The following APLP2 variants were observed in gnomAD, a reference collection of about 807,000 sequenced individuals.
APLP2 encodes the protein CDEI box-binding protein.
Under a neutral mutation model 89.9 loss-of-function variants are expected in APLP2, and 53 were observed. The observed-to-expected ratio is 0.59, with a 90% confidence interval of 0.47 to 0.74. APLP2 has a LOEUF of 0.74. Among genes scored for constraint, APLP2 ranks in the 30% least tolerant of loss-of-function variants. The pLI, the probability that APLP2 is intolerant of heterozygous loss-of-function variation, is 0.00. For synonymous variants in APLP2, 372 were observed against 348.6 expected (o/e 1.07, Z -0.75); for missense variants, 973 against 975.9 (o/e 1.00, Z 0.04).
At chr11:130,114,206 C>T (rs1948922081) in intron 3 of APLP2, 2 of 152,076 alleles carry the variant, frequency 1.3e-5, no homozygotes, top group Non-Finnish European at 2.9e-5. Context: ...TGCATATTTC[C>T]TTGTCCTTTG....
chr11:130,132,529 T>C (rs76832057), intron 11 of APLP2, among the ~76,000 whole-genome samples: 6,509 of 152,168 alleles, frequency 0.043, 219 homozygotes, highest in Non-Finnish European at 0.062. Flanking sequence ...CGCCGTGTCA[T>C]TGGGGTGGAT....
chr11:130,094,488 C>T (rs763224157), intron 1 of APLP2, among the ~76,000 whole-genome samples: 2 of 152,100 alleles, frequency 1.3e-5, no homozygotes, highest in Non-Finnish European at 2.9e-5. Context: ...CGCACCTGGC[C>T]GGGATTTACT....
At position 130,123,910 on chromosome 11, in the gene APLP2, C is replaced by T; in HGVS notation, c.1090+131C>T. 1.0e-6 allele frequency: 1 copy of T among 1,000,116 alleles called. No homozygotes were observed. Among genetic ancestry groups the T allele is most frequent in the African/African-American group, 1.6e-5 (1 of 62,154 alleles). 62.0% of individuals were successfully genotyped at this position (1,000,116 alleles called of 1,614,324 possible). ...GGTGTTTGCTGTCGGTCGTCTTCCC[C>T]TCATCTTTGTGCTTTCTAGATCTAG... On this transcript the variant is annotated intron_variant, in intron 7 of 16. Coordinates refer to ENST00000338167, the MANE Select transcript of APLP2 (RefSeq NM_001142276.2). This position sits in a 1 kb window ranked among gnomAD's most constrained non-coding sequence, Gnocchi z 4.0.
At chr11:130,102,595 C>T (rs142082559) in intron 1 of APLP2, among the ~76,000 whole-genome samples, 140 of 152,188 alleles carry the variant, frequency 9.2e-4, no homozygotes, top group African/African-American at 3.2e-3. Flanking sequence ...TGGGTGTGCA[C>T]GTTTGCTTTG....
At chr11:130,075,693 C>T (rs889356608) in intron 1 of APLP2, among the ~76,000 whole-genome samples, 3 of 152,198 alleles carry the variant, frequency 2.0e-5, no homozygotes, top group African/African-American at 7.2e-5. Context: ...ATTCTTATCC[C>T]TACCTAAAAA....
chr11:130,103,277 A>T (rs1947182566), intron 1 of APLP2, among the ~76,000 whole-genome samples: 1 of 152,214 alleles, frequency 6.6e-6, no homozygotes, highest in Non-Finnish European at 1.5e-5. Context: ...CATGGTCCAC[A>T]GAGGCTTTTT....
chr11:130,088,420 A>G (rs759158494), intron 1 of APLP2, among the ~76,000 whole-genome samples: 17 of 152,174 alleles, frequency 1.1e-4, no homozygotes, highest in Non-Finnish European at 2.2e-4. Flanking sequence ...CATTCTTGAC[A>G]TGATTGAGGA....
intron 7 of APLP2, among the ~76,000 whole-genome samples, chr11:130,126,313 G>C (rs1950360127): frequency 1.3e-5 from 2 of 152,188 alleles, no homozygotes; most frequent in Admixed American, 1.3e-4. Context: ...TACAGGGTCT[G>C]ATTCCTGCCC....
chr11:130,106,595 A>C (rs1947798588), intron 1 of APLP2, among the ~76,000 whole-genome samples: 1 of 152,088 alleles, frequency 6.6e-6, no homozygotes, highest in African/African-American at 2.4e-5. Context: ...CCTCAAAATC[A>C]ACATTGCCTC....
intron 12 of APLP2, among the ~76,000 whole-genome samples, chr11:130,134,931 A>G (rs1044841444): frequency 1.3e-5 from 2 of 152,074 alleles, no homozygotes; most frequent in African/African-American, 2.4e-5. Flanking sequence ...TTAAGATAGA[A>G]ATTTCTGTTG....
intron 1 of APLP2, among the ~76,000 whole-genome samples, chr11:130,092,718 G>C (rs1591783401): frequency 7.2e-6 from 1 of 139,836 alleles, no homozygotes; most frequent in South Asian, 2.2e-4. Context: ...GGAGGGGGAG[G>C]GGGAGGGAGA....
At chr11:130,089,609 C>T (rs999343110) in intron 1 of APLP2, among the ~76,000 whole-genome samples, 4 of 152,184 alleles carry the variant, frequency 2.6e-5, no homozygotes, top group Non-Finnish European at 2.9e-5. Context: ...TGTTTGTTTG[C>T]TAGAGCTGCT....
intron 5 of APLP2, 125 bp from the exon 6 acceptor site, chr11:130,122,180 G>A (rs1168796504): frequency 8.6e-6 from 10 of 1,156,672 alleles, no homozygotes; most frequent in East Asian, 2.3e-5. Flanking sequence ...TTAGTGGCAC[G>A]GTGAAATGTG....
intron 1 of APLP2, among the ~76,000 whole-genome samples, chr11:130,107,796 G>A (rs11221963): frequency 0.1 from 15,370 of 152,158 alleles, 1,179 homozygotes; most frequent in African/African-American, 0.21. Context: ...GAGGCATCAC[G>A]CTACCTGACT....
chr11:130,079,878 C>T lies in APLP2; in HGVS notation c.105+9796C>T, dbSNP rs757111902. 7.8e-4 allele frequency among the ~76,000 whole-genome samples: 118 copies of T among 152,242 alleles called. 2 individuals carry two copies. Among genetic ancestry groups the T allele is most frequent in the Admixed American group, 1.9e-3 (29 of 15,286 alleles). On this transcript the variant is annotated intron_variant, in intron 1 of 16. Coordinates refer to ENST00000338167, the MANE Select transcript of APLP2 (RefSeq NM_001142276.2). ...TTTTGGTAGATACCAGACCCTTTATCGGATAAGGAAGAGTTTATATTCTAA... is the reference window on the plus strand; with the variant it reads ...TTTTGGTAGATACCAGACCCTTTATTGGATAAGGAAGAGTTTATATTCTAA...
intron 1 of APLP2, among the ~76,000 whole-genome samples, chr11:130,104,623 A>G (rs1015020831): frequency 1.3e-5 from 2 of 152,150 alleles, no homozygotes; most frequent in African/African-American, 4.8e-5. Flanking sequence ...AGTATTACCT[A>G]TGAATAGGTG....
chr11:130,089,965 G>T (rs1055551270), intron 1 of APLP2, among the ~76,000 whole-genome samples: 6 of 152,192 alleles, frequency 3.9e-5, no homozygotes, highest in Non-Finnish European at 1.5e-5. Flanking sequence ...ACATTCAGAG[G>T]TATTTGGGGC....
chr11:130,111,998 C>T (rs1014078322), intron 3 of APLP2, among the ~76,000 whole-genome samples: 1 of 152,210 alleles, frequency 6.6e-6, no homozygotes, highest in African/African-American at 2.4e-5. Context: ...CCCACCCAGA[C>T]ATCTGAGTGG....
intron 4 of APLP2, 81 bp downstream of exon 4, chr11:130,120,899 C>A: frequency 1.0e-6 from 1 of 955,536 alleles, no homozygotes; most frequent in Non-Finnish European, 1.7e-6. Context: ...TCTCACCATG[C>A]TTTTAAGTTA....
Sources: gnomAD v4.1 joint callset for allele counts (sites outside exome capture counted in the v4.1 genomes callset) on GRCh38, gnomAD v4.1.1 for gene constraint, Gnocchi (gnomAD v3.1) non-coding constraint, MANE v1.5 for transcripts, NCBI Gene and HGNC (gene_info 2026-07-23, HGNC 2026-07-21) for gene names.